The following IGDCC3 variants were observed in gnomAD, a reference collection of about 807,000 sequenced individuals.
The protein encoded by IGDCC3 is immunoglobulin superfamily DCC subclass member 3, also known as putative neuronal cell adhesion molecule.
Under a neutral mutation model 72.0 loss-of-function variants are expected in IGDCC3, and 47 were observed. That is an observed-to-expected ratio of 0.65 (90% CI 0.52 to 0.83). The LOEUF (loss-of-function observed/expected upper bound fraction) is 0.83. IGDCC3 is among the 40% of genes least tolerant of loss of function. IGDCC3 has a pLI of 0.00. For synonymous variants in IGDCC3, 477 were observed against 472.8 expected (o/e 1.01, Z -0.11); for missense variants, 1,038 against 1,091.3 (o/e 0.95, Z 0.69).
chr15:65,356,848 CT>C (rs766472764), intron 2 of IGDCC3, among the ~76,000 whole-genome samples: 1,406 of 70,860 alleles, frequency 0.02, 60 homozygotes, highest in East Asian at 0.13. Context: ...AATGGACCTG[CT>C]TTTTTTTTTT....
At chr15:65,347,159 G>A (rs1335464245) in intron 2 of IGDCC3, among the ~76,000 whole-genome samples, 4 of 152,184 alleles carry the variant, frequency 2.6e-5, no homozygotes, top group African/African-American at 9.7e-5. Flanking sequence ...TGGTTAGGGG[G>A]GCCCAGGCTG....
At chr15:65,333,136 C>G in intron 6 of IGDCC3, 121 bp downstream of exon 6, 1 of 966,362 alleles carries the variant, frequency 1.0e-6, no homozygotes, top group Non-Finnish European at 1.5e-6. Flanking sequence ...CGGTGAGGGG[C>G]GAGGGGCAGG....
intron 2 of IGDCC3, among the ~76,000 whole-genome samples, chr15:65,340,691 C>G (rs1233396635): frequency 1.3e-5 from 2 of 152,160 alleles, no homozygotes; most frequent in Non-Finnish European, 2.9e-5. Context: ...ACTCACTGTA[C>G]CCAACTTTTC....
At position 65,329,041 on chromosome 15, in the gene IGDCC3, C is replaced by G; in HGVS notation, c.2313G>C (p.Glu771Asp). The change falls in exon 14 of 14, where the codon GAG (glutamate) becomes GAC (aspartate). Residue 771 changes from glutamate to aspartate, a missense_variant. Coordinates refer to ENST00000327987, the MANE Select transcript of IGDCC3 (RefSeq NM_004884.4). This position sits in a 1 kb window ranked among gnomAD's most constrained non-coding sequence, Gnocchi z 4.1. Reference sequence around the variant, plus strand: ...CCAGGCCGGCGCAGGGAGCCGTGGCCTCTGTGGTCTTCGCCTCCGTCGTCT... The same window carrying G: ...CCAGGCCGGCGCAGGGAGCCGTGGCGTCTGTGGTCTTCGCCTCCGTCGTCT... ...EGKTTEAKTT[E>D]ATAPCAGLAA... 2 of 1,612,712 alleles carry G rather than the reference C, an allele frequency of 1.2e-6. No homozygotes were observed. The highest frequency in any genetic ancestry group is 1.7e-6 in the Non-Finnish European group (2 of 1,179,582).
intron 2 of IGDCC3, among the ~76,000 whole-genome samples, chr15:65,350,086 T>A (rs1012182978): frequency 5.9e-5 from 9 of 152,356 alleles, no homozygotes; most frequent in African/African-American, 1.9e-4. Flanking sequence ...CCACTTGGCA[T>A]GGCTAAAGTT....
intron 2 of IGDCC3, among the ~76,000 whole-genome samples, chr15:65,351,745 T>TATTTATGCAA (rs1306163802): frequency 6.6e-6 from 1 of 152,194 alleles, no homozygotes; most frequent in Non-Finnish European, 1.5e-5. Flanking sequence ...ATAAATGTGT[T>TATTTATGCAA]ATTGGTATAT....
chr15:65,330,496 C>T, intron 10 of IGDCC3, 54 bp downstream of exon 10: 5 of 1,586,230 alleles, frequency 3.2e-6, no homozygotes, highest in Non-Finnish European at 4.3e-6. Context: ...ACCTCCTGGC[C>T]CTCAGCGCCG....
At position 65,339,714 on chromosome 15, in the gene IGDCC3, C is replaced by G. The variant is rs911221444; in HGVS notation, c.410-3758G>C. ...ACTGTGTTGCTGATGACAGTACAGACCAGCTAGTGTATTAGCATTGAGTAT... is the reference window on the plus strand; with the variant it reads ...ACTGTGTTGCTGATGACAGTACAGAGCAGCTAGTGTATTAGCATTGAGTAT... On this transcript the variant is annotated intron_variant, in intron 2 of 13. Transcript: ENST00000327987. This position sits in a 1 kb window ranked among gnomAD's most constrained non-coding sequence, Gnocchi z 4.1. Among the ~76,000 whole-genome samples, 1 of 152,198 alleles carries G rather than the reference C, an allele frequency of 6.6e-6. No homozygotes were observed. Among genetic ancestry groups the G allele is most frequent in the African/African-American group, 2.4e-5 (1 of 41,446 alleles).
At chr15:65,340,759 C>A (rs2091073461) in intron 2 of IGDCC3, among the ~76,000 whole-genome samples, 1 of 152,190 alleles carries the variant, frequency 6.6e-6, no homozygotes, top group Non-Finnish European at 1.5e-5. Context: ...GAGAGAGACT[C>A]ACTCTATCAC....
intron 2 of IGDCC3, among the ~76,000 whole-genome samples, chr15:65,352,368 A>G (rs1281011287): frequency 6.6e-6 from 1 of 152,260 alleles, no homozygotes; most frequent in African/African-American, 2.4e-5. Context: ...CTTTTGTAAC[A>G]GGACTCAGTT....
At position 65,339,127 on chromosome 15, in the gene IGDCC3, G is replaced by A. The variant is rs1377249354; in HGVS notation, c.410-3171C>T. ...GACGGAATCTTGCTCTGTCACCCAG[G>A]CTGGAGTGCAATGGCATGATCTCAG... On this transcript the variant is annotated intron_variant, in intron 2 of 13. Coordinates refer to ENST00000327987, the MANE Select transcript of IGDCC3 (RefSeq NM_004884.4). The surrounding 1 kb of genome is among the most constrained non-coding windows in gnomAD (Gnocchi z 4.1). Among the ~76,000 whole-genome samples the A allele has an allele frequency of 6.6e-6, 1 of 151,964 alleles. No individual in the cohort carries two copies. The highest frequency in any genetic ancestry group is 2.4e-5 in the African/African-American group (1 of 41,360).
intron 2 of IGDCC3, among the ~76,000 whole-genome samples, chr15:65,370,592 A>G (rs28662506): frequency 8.4e-5 from 10 of 119,634 alleles, no homozygotes; most frequent in East Asian, 5.4e-4. Context: ...ATGTATGTAT[A>G]TATATGTATG....
chr15:65,328,587 T>TC lies in IGDCC3; in HGVS notation c.*321_*322insG. 1 of 147,748 alleles carries TC rather than the reference T, an allele frequency of 6.8e-6. No homozygotes were observed. The highest frequency in any genetic ancestry group is 2.6e-5 in the African/African-American group (1 of 38,904). The allele number at this position is 147,748 out of a possible 1,614,324, so 9.2% of individuals were successfully genotyped here. ...TTCACCTTCCTCTATCTCTCTCCTC[T>TC]TTTTTTTTTTTTTTAAGTTTTGCTT... On this transcript the variant is annotated 3_prime_UTR_variant, in exon 14 of 14. Transcript: ENST00000327987.
Position 65,346,759 on chromosome 15 carries a change from G to A in IGDCC3, c.410-10803C>T, listed in dbSNP as rs180959271. On this transcript the variant is annotated intron_variant, in intron 2 of 13. Coordinates refer to ENST00000327987, the MANE Select transcript of IGDCC3 (RefSeq NM_004884.4). The stretch of plus-strand genomic sequence containing the variant: ...TAGGCGTGAGTCATCATGCCCGGCC[G>A]AGACTCAGCTCTTTTAACAGCTGGA... Among the ~76,000 whole-genome samples, 551 of 152,220 alleles carry A rather than the reference G, an allele frequency of 3.6e-3. 1 individual carries two copies. The highest frequency in any genetic ancestry group is 5.8e-3 in the Non-Finnish European group (393 of 68,002).
In IGDCC3 at chr15:65,338,031, T is replaced by A. The variant is rs980821307; in HGVS notation, c.410-2075A>T. Among the ~76,000 whole-genome samples the A allele has an allele frequency of 5.3e-5, 8 of 152,190 alleles. 1 individual carries two copies. Among genetic ancestry groups the A allele is most frequent in the African/African-American group, 1.7e-4 (7 of 41,452 alleles). Reference sequence around the variant, plus strand: ...AAAGGGCTGCCTCTTATCAGGGCGCTGGGGATGGAGAAAGTCTGGCTTCCA... The same window carrying A: ...AAAGGGCTGCCTCTTATCAGGGCGCAGGGGATGGAGAAAGTCTGGCTTCCA... On this transcript the variant is annotated intron_variant, in intron 2 of 13. Coordinates refer to ENST00000327987, the MANE Select transcript of IGDCC3 (RefSeq NM_004884.4).
chr15:65,366,221 A>G (rs557677196), intron 2 of IGDCC3, among the ~76,000 whole-genome samples: 6 of 151,518 alleles, frequency 4.0e-5, no homozygotes, highest in African/African-American at 1.5e-4. Context: ...AAAAAAAAAA[A>G]AAAAAAAACT....
rs555461307 is a variant in IGDCC3 at position 65,329,228 on chromosome 15, G to T, written c.2206-80C>A. 6.6e-7 allele frequency: 1 copy of T among 1,520,650 alleles called. No individual in the cohort carries two copies. The highest frequency in any genetic ancestry group is 2.2e-5 in the Admixed American group (1 of 45,950). The allele number at this position is 1,520,650 out of a possible 1,614,324, so 94.2% of individuals were successfully genotyped here. On this transcript the variant is annotated intron_variant, in intron 13 of 13. Transcript: ENST00000327987. This position sits in a 1 kb window ranked among gnomAD's most constrained non-coding sequence, Gnocchi z 4.1. ...CCAACTCACCCCACTTGGGCCTTAG[G>T]GTCTCCAGGTCTCCCTGCCTGACTC...
chr15:65,377,809 C>A lies in IGDCC3; in HGVS notation c.-21G>T. On this transcript the variant is annotated 5_prime_UTR_variant, in exon 1 of 14. Transcript: ENST00000327987. This position sits in a 1 kb window ranked among gnomAD's most constrained non-coding sequence, Gnocchi z 4.9. ...GCCATGGGGCTCTCGGTCAGCTCGG[C>A]TCGGCGACGCGCGGCTCCCGGGCCT... The A allele has an allele frequency of 1.7e-6, 2 of 1,189,704 alleles. No individual in the cohort carries two copies. Among genetic ancestry groups the A allele is most frequent in the Non-Finnish European group, 2.1e-6 (2 of 961,050 alleles). The allele number at this position is 1,189,704 out of a possible 1,614,324, so 73.7% of individuals were successfully genotyped here.
chr15:65,358,619 C>T (rs574305331), intron 2 of IGDCC3, among the ~76,000 whole-genome samples: 23 of 152,144 alleles, frequency 1.5e-4, no homozygotes, highest in Admixed American at 2.6e-4. Flanking sequence ...GAGGAGCCTC[C>T]GGGCCTAAAT....
Sources: gnomAD v4.1 joint callset for allele counts (sites outside exome capture counted in the v4.1 genomes callset) on GRCh38, gnomAD v4.1.1 for gene constraint, Gnocchi (gnomAD v3.1) non-coding constraint, MANE v1.5 for transcripts, NCBI Gene and HGNC (gene_info 2026-07-23, HGNC 2026-07-21) for gene names.